The following ZNRF1 variants were observed in gnomAD, a reference collection of about 807,000 sequenced individuals.
The protein encoded by ZNRF1 is E3 ubiquitin-protein ligase ZNRF1.
ZNRF1 carries 3 observed loss-of-function variants against 18.4 expected under a neutral mutation model. That is an observed-to-expected ratio of 0.16 (90% CI 0.07 to 0.42). The LOEUF (loss-of-function observed/expected upper bound fraction) is 0.42. ZNRF1 is among the 10% of genes least tolerant of loss of function. The pLI is 0.99. For synonymous variants in ZNRF1, 157 were observed against 144.2 expected (o/e 1.09, Z -0.64); for missense variants, 310 against 329.8 (o/e 0.94, Z 0.47).
chr16:75,027,459 A>G (rs2035240724), intron 1 of ZNRF1, among the ~76,000 whole-genome samples: 1 of 152,160 alleles, frequency 6.6e-6, no homozygotes. Flanking sequence ...TGTCAGCCAT[A>G]AGAGTTGCCC....
intron 1 of ZNRF1, among the ~76,000 whole-genome samples, chr16:75,019,706 TTGTTTTGTTC>T (rs1012884325): frequency 9.9e-5 from 15 of 152,122 alleles, no homozygotes; most frequent in Non-Finnish European, 1.3e-4. Flanking sequence ...CTTTTGATTT[TTGTTTTGTTC>T]TGTTTTGTTT....
chr16:75,014,158 T>C (rs984620734), intron 1 of ZNRF1, among the ~76,000 whole-genome samples: 4 of 152,164 alleles, frequency 2.6e-5, no homozygotes, highest in African/African-American at 9.7e-5. Flanking sequence ...AAATGAAATA[T>C]TTTAGGCATT....
At chr16:75,096,079 TGTGTGTGTGTGTGTGTG>T (rs1379481970) in intron 2 of ZNRF1, among the ~76,000 whole-genome samples, 1 of 146,922 alleles carries the variant, frequency 6.8e-6, no homozygotes, top group African/African-American at 2.7e-5. Context: ...TGTGTGTGTG[TGTGTGTGTGTGTGTGTG>T]TGTGTAAACT....
intron 1 of ZNRF1, among the ~76,000 whole-genome samples, chr16:75,082,376 C>T (rs2036022796): frequency 1.3e-5 from 2 of 152,216 alleles, no homozygotes; most frequent in South Asian, 2.1e-4. Context: ...CCCCATTCTT[C>T]ATGTGGCTGG....
intron 1 of ZNRF1, among the ~76,000 whole-genome samples, chr16:75,055,785 A>G (rs1034253004): frequency 4.6e-5 from 7 of 152,056 alleles, no homozygotes; most frequent in African/African-American, 1.7e-4. Flanking sequence ...CAGCATAAAC[A>G]CTCAGTCTTG....
chr16:75,055,882 C>G (rs984206100), intron 1 of ZNRF1, among the ~76,000 whole-genome samples: 3 of 152,146 alleles, frequency 2.0e-5, no homozygotes, highest in Non-Finnish European at 2.9e-5. Context: ...CTTGAAGGAC[C>G]AAGAGGGTCT....
chr16:75,024,510 C>A (rs113659401), intron 1 of ZNRF1, among the ~76,000 whole-genome samples: 1 of 152,144 alleles, frequency 6.6e-6, no homozygotes, highest in Non-Finnish European at 1.5e-5. Flanking sequence ...TGGGTTACTT[C>A]TTTCTGGTGA....
chr16:75,070,913 A>T (rs73614081), intron 1 of ZNRF1, among the ~76,000 whole-genome samples: 1 of 152,104 alleles, frequency 6.6e-6, no homozygotes, highest in African/African-American at 2.4e-5. Flanking sequence ...ACTATGCTTT[A>T]TCCATTTGTT....
intron 1 of ZNRF1, among the ~76,000 whole-genome samples, chr16:75,024,324 GT>G (rs1293963529): frequency 6.6e-6 from 1 of 152,216 alleles, no homozygotes; most frequent in African/African-American, 2.4e-5. Flanking sequence ...TGATTGCAGA[GT>G]ACTTACTATG....
At chr16:75,081,203 A>C (rs1311041195) in intron 1 of ZNRF1, among the ~76,000 whole-genome samples, 2 of 152,110 alleles carry the variant, frequency 1.3e-5, no homozygotes, top group Non-Finnish European at 2.9e-5. Context: ...GGACTCCAGG[A>C]CTTGGAAAAC....
At chr16:75,093,384 CAAAAA>C (rs574718849) in intron 1 of ZNRF1, among the ~76,000 whole-genome samples, 183 bp from the exon 2 acceptor site, 1 of 67,908 alleles carries the variant, frequency 1.5e-5, no homozygotes, top group African/African-American at 4.9e-5. Flanking sequence ...GACTTCGTCT[CAAAAA>C]AAAAAAAAAA....
At chr16:75,066,748 C>T (rs2035809406) in intron 1 of ZNRF1, among the ~76,000 whole-genome samples, 1 of 152,046 alleles carries the variant, frequency 6.6e-6, no homozygotes, top group South Asian at 2.1e-4. Context: ...AGGTGATCCG[C>T]CCACCTTGGC....
chr16:75,028,830 C>T (rs2035259485), intron 1 of ZNRF1, among the ~76,000 whole-genome samples: 1 of 152,152 alleles, frequency 6.6e-6, no homozygotes, highest in African/African-American at 2.4e-5. Flanking sequence ...CATTTCCTTC[C>T]CCTTGAAACA....
intron 1 of ZNRF1, among the ~76,000 whole-genome samples, chr16:75,057,298 A>G (rs561202267): frequency 6.6e-6 from 1 of 152,338 alleles, no homozygotes; most frequent in South Asian, 2.1e-4. Flanking sequence ...TAATACAAAT[A>G]CAGATGGTGA....
Position 74,999,788 on chromosome 16 carries a change from G to C in ZNRF1, c.117G>C (p.Thr39=). 1 of 1,414,262 alleles carries C rather than the reference G, an allele frequency of 7.1e-7. No homozygotes were observed. The highest frequency in any genetic ancestry group is 9.2e-7 in the Non-Finnish European group (1 of 1,090,676). 87.6% of individuals were successfully genotyped at this position (1,414,262 alleles called of 1,614,324 possible). A position where few individuals can be genotyped will look rare whatever the true frequency, so the allele number is the denominator to read the frequency against. The change falls in exon 1 of 5, where the codon ACG becomes ACC. Residue 39 remains threonine (T), a synonymous_variant. Coordinates refer to ENST00000335325, the MANE Select transcript of ZNRF1 (RefSeq NM_032268.5). ...GGAPHFGHYR[T]GGGAMGLRSR... ...CGCCCCATTTCGGGCACTACCGGAC[G>C]GGCGGCGGGGCCATGGGGCTGCGCA...
chr16:75,037,958 T>G (rs2035396406), intron 1 of ZNRF1, among the ~76,000 whole-genome samples: 1 of 152,162 alleles, frequency 6.6e-6, no homozygotes, highest in Non-Finnish European at 1.5e-5. Flanking sequence ...TTGTGAACAC[T>G]TATTTTCTTC....
intron 1 of ZNRF1, among the ~76,000 whole-genome samples, chr16:75,030,809 A>G (rs1597868329): frequency 6.9e-6 from 1 of 144,096 alleles, no homozygotes; most frequent in African/African-American, 2.6e-5. Context: ...GTTCACTCAC[A>G]TTGTAGCATG....
chr16:75,015,921 C>CTTTTT (rs368763105), intron 1 of ZNRF1, among the ~76,000 whole-genome samples: 5 of 137,428 alleles, frequency 3.6e-5, no homozygotes, highest in East Asian at 2.1e-4. Flanking sequence ...CTTTTCTTTT[C>CTTTTT]TTTTTTTTTT....
intron 1 of ZNRF1, among the ~76,000 whole-genome samples, chr16:75,056,277 CTG>C (rs1188640400): frequency 3.3e-5 from 5 of 152,240 alleles, no homozygotes; most frequent in Non-Finnish European, 5.9e-5. Context: ...AGCCTAGTGA[CTG>C]TGTGTTCATT....
Sources: gnomAD v4.1 joint callset for allele counts (sites outside exome capture counted in the v4.1 genomes callset) on GRCh38, gnomAD v4.1.1 for gene constraint, MANE v1.5 for transcripts, NCBI Gene and HGNC (gene_info 2026-07-23, HGNC 2026-07-21) for gene names.